Variants in SNX24 observed in about 807,000 individuals in gnomAD.
SNX24 encodes the protein sorting nexin-24.
Under a neutral mutation model 28.7 loss-of-function variants are expected in SNX24, and 22 were observed. The observed-to-expected ratio is 0.77, with a 90% confidence interval of 0.55 to 1.10. The LOEUF (loss-of-function observed/expected upper bound fraction) is 1.10, where lower values mean the gene tolerates loss of function less well. Ranked by LOEUF, SNX24 falls within the 50% of genes least tolerant of loss-of-function variation. SNX24 has a pLI of 0.00. For synonymous variants in SNX24, 69 were observed against 71.5 expected (o/e 0.96, Z 0.18); for missense variants, 221 against 201.1 (o/e 1.10, Z -0.60).
rs565918815 is a variant in SNX24 at position 122,850,664 on chromosome 5, G to A, written c.60+4971G>A. On this transcript the variant is annotated intron_variant, in intron 1 of 6. Coordinates refer to ENST00000261369, the MANE Select transcript of SNX24 (RefSeq NM_014035.4). ...GTAAGCAAATAAGAACTGAAGCAGG[G>A]CAGATATTTCATTTGGGCACCCACT... Among the ~76,000 whole-genome samples the A allele has an allele frequency of 6.6e-5, 10 of 152,146 alleles. No homozygotes were observed. In the South Asian group the frequency reaches 2.1e-3, roughly 32 times the overall value.
rs376611714 is a variant in SNX24 at position 122,959,435 on chromosome 5, A to G, written c.249+13276A>G. Among the ~76,000 whole-genome samples the G allele has an allele frequency of 1.1e-4, 17 of 151,600 alleles. 2 individuals are homozygous for G. The highest frequency in any genetic ancestry group is 3.9e-4 in the East Asian group (2 of 5,188). On this transcript the variant is annotated intron_variant, in intron 3 of 6. Transcript: ENST00000261369. ...ATTAGAGACAAGACAAGGTCTTGCT[A>G]TGTTGCCAGTGCTGGTCTAGAACTC...
intron 3 of SNX24, among the ~76,000 whole-genome samples, chr5:122,950,625 G>C (rs907819158): frequency 6.6e-6 from 1 of 152,098 alleles, no homozygotes; most frequent in Non-Finnish European, 1.5e-5. Flanking sequence ...TCTTTCACTA[G>C]GAGTCCTGCA....
chr5:122,909,281 C>T (rs1294114280), intron 1 of SNX24, among the ~76,000 whole-genome samples: 1 of 152,176 alleles, frequency 6.6e-6, no homozygotes, highest in Non-Finnish European at 1.5e-5. Flanking sequence ...TTCAGGGACA[C>T]TTAGACATAG....
intron 5 of SNX24, among the ~76,000 whole-genome samples, chr5:123,027,169 G>C (rs964610098): frequency 2.0e-5 from 3 of 152,090 alleles, no homozygotes; most frequent in Non-Finnish European, 4.4e-5. Flanking sequence ...ACTCCAGCCT[G>C]GGTGACAGAG....
chr5:122,956,942 T>C (rs1391219087), intron 3 of SNX24, among the ~76,000 whole-genome samples: 1 of 152,184 alleles, frequency 6.6e-6, no homozygotes, highest in Non-Finnish European at 1.5e-5. Context: ...CTTCCCTTAT[T>C]ATGTAATATG....
At chr5:123,025,356 T>C (rs1254478948) in intron 5 of SNX24, among the ~76,000 whole-genome samples, 1 of 152,230 alleles carries the variant, frequency 6.6e-6, no homozygotes, top group Admixed American at 6.5e-5. Flanking sequence ...TCTGTTTCTA[T>C]CAATGTGACC....
At chr5:122,907,689 G>A (rs548421007) in intron 1 of SNX24, among the ~76,000 whole-genome samples, 3 of 152,260 alleles carry the variant, frequency 2.0e-5, no homozygotes, top group Admixed American at 1.3e-4. Flanking sequence ...TGTATGCAGA[G>A]GGGCTTGATC....
chr5:122,887,694 G>A (rs1581707321), intron 1 of SNX24, among the ~76,000 whole-genome samples: 1 of 152,058 alleles, frequency 6.6e-6, no homozygotes. Flanking sequence ...CAGAGTTCTT[G>A]ATTTCAGTCA....
chr5:122,985,284 A>G (rs186264667), intron 3 of SNX24, among the ~76,000 whole-genome samples: 92 of 152,174 alleles, frequency 6.0e-4, no homozygotes, highest in South Asian at 1.7e-3. Flanking sequence ...GGGCCAGAGG[A>G]TGAGGGGGAA....
rs1342304047 is a variant in SNX24 at position 122,877,536 on chromosome 5, TAAAAAG to T, written c.60+31845_60+31850del. Among the ~76,000 whole-genome samples, 4 of 152,108 alleles carry T rather than the reference TAAAAAG, an allele frequency of 2.6e-5. No homozygotes were observed. The East Asian group carries it at 7.7e-4, about 29-fold the overall frequency. ...AGAAAACTGTAGTTGGTAGCTGAAATAAAAAGATAAATAAAAAATAAAATTTAGTAT... is the reference window on the plus strand; with the variant it reads ...AGAAAACTGTAGTTGGTAGCTGAAATATAAATAAAAAATAAAATTTAGTAT... On this transcript the variant is annotated intron_variant, in intron 1 of 6. Coordinates refer to ENST00000261369, the MANE Select transcript of SNX24 (RefSeq NM_014035.4).
At chr5:123,017,077 C>T (rs539281921) in intron 5 of SNX24, among the ~76,000 whole-genome samples, 8 of 152,038 alleles carry the variant, frequency 5.3e-5, no homozygotes, top group East Asian at 1.9e-4. Flanking sequence ...AGCAGAGCAC[C>T]GAGATCAAAC....
intron 6 of SNX24, among the ~76,000 whole-genome samples, chr5:123,007,445 A>G (rs1488506107): frequency 6.6e-6 from 1 of 152,210 alleles, no homozygotes; most frequent in Admixed American, 6.5e-5. Context: ...CCTTAAATCA[A>G]TAAGCTACAA....
intron 5 of SNX24, among the ~76,000 whole-genome samples, chr5:123,019,378 T>G (rs1266523760): frequency 6.6e-6 from 1 of 152,208 alleles, no homozygotes; most frequent in Admixed American, 6.5e-5. Context: ...ATTATAGGAA[T>G]GTTGAAAAAC....
intron 1 of SNX24, among the ~76,000 whole-genome samples, chr5:122,890,397 TC>T (rs1756916966): frequency 6.6e-6 from 1 of 152,134 alleles, no homozygotes; most frequent in Non-Finnish European, 1.5e-5. Flanking sequence ...GTTTTTACTC[TC>T]TTGTTGGCAA....
At chr5:122,989,941 T>C (rs1418221999) in intron 3 of SNX24, among the ~76,000 whole-genome samples, 1 of 152,180 alleles carries the variant, frequency 6.6e-6, no homozygotes, top group Non-Finnish European at 1.5e-5. Flanking sequence ...CCCTAATTTC[T>C]CATCTTTCTT....
intron 3 of SNX24, among the ~76,000 whole-genome samples, chr5:122,989,608 C>G (rs759285165): frequency 1.3e-5 from 2 of 152,050 alleles, no homozygotes; most frequent in Non-Finnish European, 2.9e-5. Flanking sequence ...TGATATTGCT[C>G]TTTGTTATTT....
At chr5:122,892,912 C>T (rs899707860) in intron 1 of SNX24, among the ~76,000 whole-genome samples, 27 of 151,830 alleles carry the variant, frequency 1.8e-4, no homozygotes, top group South Asian at 1.3e-3. Context: ...ATTACAGGCA[C>T]GTGCCACCAT....
chr5:122,999,670 GTGC>G (rs1007238935), intron 3 of SNX24, among the ~76,000 whole-genome samples: 1 of 152,096 alleles, frequency 6.6e-6, no homozygotes, highest in Non-Finnish European at 1.5e-5. Context: ...TGTATAGTAG[GTGC>G]TCTATAAATG....
At chr5:122,929,724 C>A (rs933274037) in intron 1 of SNX24, among the ~76,000 whole-genome samples, 1 of 149,400 alleles carries the variant, frequency 6.7e-6, no homozygotes, top group Non-Finnish European at 1.5e-5. Context: ...TTAATCATAT[C>A]TTTTTTTTTT....
Sources: gnomAD v4.1 joint callset for allele counts (sites outside exome capture counted in the v4.1 genomes callset) on GRCh38, gnomAD v4.1.1 for gene constraint, MANE v1.5 for transcripts, NCBI Gene and HGNC (gene_info 2026-07-23, HGNC 2026-07-21) for gene names.